The following FAM107A variants were observed in gnomAD, a reference collection of about 807,000 sequenced individuals.
FAM107A encodes family with sequence similarity 107 member A.
In FAM107A, 19 loss-of-function variants were observed where a neutral mutation model predicts 13.7. The ratio of observed to expected loss-of-function variants is 1.38; its 90% CI spans 0.97 to 2.03. FAM107A has a LOEUF of 2.03. FAM107A is among the 30% of genes most tolerant of loss of function. The pLI, the probability that FAM107A is intolerant of heterozygous loss-of-function variation, is 0.00. For synonymous variants in FAM107A, 82 were observed against 74.5 expected (o/e 1.10, Z -0.52); for missense variants, 203 against 184.4 (o/e 1.10, Z -0.58).
In FAM107A at chr3:58,617,104, C is replaced by T. The variant is rs2065909588; in HGVS notation, c.-70+10312G>A. ...CCCAGTTTCTGATCGTTTGTTATGGCCGCCCCAGGAAACTCCTGTGTCACT... is the reference window on the plus strand; with the variant it reads ...CCCAGTTTCTGATCGTTTGTTATGGTCGCCCCAGGAAACTCCTGTGTCACT... On this transcript the variant is annotated intron_variant, in intron 1 of 3. Transcript: ENST00000465970. The surrounding 1 kb of genome is among the most constrained non-coding windows in gnomAD (Gnocchi z 4.5). Among the ~76,000 whole-genome samples, 1 of 152,134 alleles carries T rather than the reference C, an allele frequency of 6.6e-6. No individual in the cohort carries two copies. The highest frequency in any genetic ancestry group is 1.5e-5 in the Non-Finnish European group (1 of 68,014).
chr3:58,625,705 T>C (rs1303203391), intron 1 of FAM107A, among the ~76,000 whole-genome samples: 4 of 152,292 alleles, frequency 2.6e-5, no homozygotes, highest in Non-Finnish European at 5.9e-5. Flanking sequence ...TGTCAGTTTC[T>C]GGATTCTGGC....
At chr3:58,625,454 G>T (rs1208609728) in intron 1 of FAM107A, among the ~76,000 whole-genome samples, 1 of 152,218 alleles carries the variant, frequency 6.6e-6, no homozygotes, top group East Asian at 1.9e-4. Context: ...GATGCACAGT[G>T]AGGGTTTTCG....
chr3:58,626,080 G>A (rs957407046), intron 1 of FAM107A, among the ~76,000 whole-genome samples: 4 of 152,220 alleles, frequency 2.6e-5, no homozygotes, highest in Admixed American at 6.5e-5. Flanking sequence ...CACGGTAGGT[G>A]GGTGGTGGAT....
At chr3:58,579,804 C>T (rs549389952), upstream of FAM107A, among the ~76,000 whole-genome samples, 6 of 152,180 alleles carry the variant, frequency 3.9e-5, no homozygotes, top group Non-Finnish European at 8.8e-5. Context: ...GGGCAGTAGT[C>T]CTCGGATGTT....
At chr3:58,602,202 A>G (rs1247176431) in intron 1 of FAM107A, among the ~76,000 whole-genome samples, 1 of 152,206 alleles carries the variant, frequency 6.6e-6, no homozygotes, top group Non-Finnish European at 1.5e-5. Flanking sequence ...ACGGTCCACA[A>G]ACGTAAGAAA....
Position 58,566,688 on chromosome 3 carries a change from T to C in FAM107A, c.335A>G (p.Lys112Arg). 1 of 1,612,970 alleles carries C rather than the reference T, an allele frequency of 6.2e-7. No individual in the cohort carries two copies. The highest frequency in any genetic ancestry group is 8.5e-7 in the Non-Finnish European group (1 of 1,179,170). Reference sequence around the variant, plus strand: ...GTGATCCTCTTCCTTCTCTGGTGGTTTTTCCAGCTGAAGGAGGGAGAAGCA... The same window carrying C: ...GTGATCCTCTTCCTTCTCTGGTGGTCTTTCCAGCTGAAGGAGGGAGAAGCA... ...RRQQRLNQLEKPPEKEEDHAP... is the reference protein window; with the variant it reads ...RRQQRLNQLERPPEKEEDHAP... Residue 112 changes from lysine (K) to arginine (R), a missense_variant, in exon 4 of 4, where the codon AAA becomes AGA. Coordinates refer to ENST00000360997, the MANE Select transcript of FAM107A (RefSeq NM_001076778.3).
chr3:58,590,680 G>A (rs753458380), upstream of FAM107A, among the ~76,000 whole-genome samples: 3 of 152,170 alleles, frequency 2.0e-5, no homozygotes, highest in Non-Finnish European at 2.9e-5. Context: ...ACACTTTAAA[G>A]CCATCAGCTC....
At chr3:58,602,980 G>A (rs1410185332) in intron 1 of FAM107A, among the ~76,000 whole-genome samples, 2 of 152,140 alleles carry the variant, frequency 1.3e-5, no homozygotes, top group East Asian at 1.9e-4. Flanking sequence ...GAACCAAAAT[G>A]TCCCCAGTGA....
intron 1 of FAM107A, among the ~76,000 whole-genome samples, chr3:58,618,169 G>A (rs1428225083): frequency 6.6e-6 from 1 of 152,222 alleles, no homozygotes; most frequent in Admixed American, 6.5e-5. Flanking sequence ...GGTAGGCCCA[G>A]GTTGGCTGTG....
chr3:58,570,150 A>G (rs1057232608), intron 1 of FAM107A, among the ~76,000 whole-genome samples: 1 of 152,250 alleles, frequency 6.6e-6, no homozygotes, highest in Non-Finnish European at 1.5e-5. Context: ...ACGGGTTGAC[A>G]CATGCATATT....
Position 58,569,632 on chromosome 3 carries a change from C to A in FAM107A, c.170+59G>T. 7.0e-7 allele frequency: 1 copy of A among 1,426,154 alleles called. No individual in the cohort carries two copies. The highest frequency in any genetic ancestry group is 9.6e-7 in the Non-Finnish European group (1 of 1,044,614). 88.3% of individuals were successfully genotyped at this position (1,426,154 alleles called of 1,614,324 possible). A position where few individuals can be genotyped will look rare whatever the true frequency, so the allele number is the denominator to read the frequency against. ...CTCTGCTTTCCTCCAGGGTCACCTT[C>A]CCCATCCCCCACAGGCCCAGGTGCT... On this transcript the variant is annotated intron_variant, in intron 2 of 3. Transcript: ENST00000360997. The surrounding 1 kb of genome is among the most constrained non-coding windows in gnomAD (Gnocchi z 5.7).
At chr3:58,621,819 G>C (rs2106640492) in intron 1 of FAM107A, among the ~76,000 whole-genome samples, 1 of 152,322 alleles carries the variant, frequency 6.6e-6, no homozygotes. Flanking sequence ...AGGATGCAAT[G>C]TGCCTGGCCT....
chr3:58,614,208 C>T (rs1225288484), intron 1 of FAM107A, among the ~76,000 whole-genome samples: 1 of 152,186 alleles, frequency 6.6e-6, no homozygotes, highest in African/African-American at 2.4e-5. Flanking sequence ...TCTGTGCCGC[C>T]AGGTCCTGGC....
chr3:58,570,746 T>C (rs2063675705), intron 1 of FAM107A, among the ~76,000 whole-genome samples: 1 of 152,234 alleles, frequency 6.6e-6, no homozygotes, highest in Non-Finnish European at 1.5e-5. Context: ...GCTCTCTTCA[T>C]GAGTCTAGCT....
intron 2 of FAM107A, among the ~76,000 whole-genome samples, chr3:58,568,159 G>A (rs1229774332): frequency 6.6e-6 from 1 of 151,584 alleles, no homozygotes; most frequent in Non-Finnish European, 1.5e-5. Context: ...TCTGGGCCAG[G>A]CACAGTGGCT....
At chr3:58,575,211 C>A (rs973888039) in intron 1 of FAM107A, among the ~76,000 whole-genome samples, 2 of 152,142 alleles carry the variant, frequency 1.3e-5, no homozygotes, top group African/African-American at 4.8e-5. Flanking sequence ...GGGTTTGATT[C>A]ATGGTGGCAA....
chr3:58,598,981 G>A (rs569942655), intron 1 of FAM107A, among the ~76,000 whole-genome samples: 5 of 151,598 alleles, frequency 3.3e-5, no homozygotes, highest in East Asian at 1.9e-4. Flanking sequence ...TGCTCTTGTC[G>A]CCCAGGCTGG....
rs141132269 is a variant in FAM107A, at chr3:58,613,098, G to A, written c.-70+14318C>T. On this transcript the variant is annotated intron_variant, in intron 1 of 3. Transcript: ENST00000465970. The surrounding 1 kb of genome is among the most constrained non-coding windows in gnomAD (Gnocchi z 4.6). ...GGTCGGCAGCTCCATATCGCCAGCCGTGACTCTGCCCTGAAATCTAGCCCA... is the reference window on the plus strand; with the variant it reads ...GGTCGGCAGCTCCATATCGCCAGCCATGACTCTGCCCTGAAATCTAGCCCA... 2.2e-3 allele frequency among the ~76,000 whole-genome samples: 336 copies of A among 152,242 alleles called. 7 individuals are homozygous for A. The East Asian group carries it at 0.032, about 14-fold the overall frequency.
rs898332260 is a variant in FAM107A at position 58,569,137 on chromosome 3, T to C, written c.170+554A>G. Reference sequence around the variant, plus strand: ...TGCCCCAGGCACAGTGAGTGACTCCTGTTTCCTGTTCATTTACATATGAGG... The same window carrying C: ...TGCCCCAGGCACAGTGAGTGACTCCCGTTTCCTGTTCATTTACATATGAGG... On this transcript the variant is annotated intron_variant, in intron 2 of 3. Transcript: ENST00000360997. This position sits in a 1 kb window ranked among gnomAD's most constrained non-coding sequence, Gnocchi z 5.7. Among the ~76,000 whole-genome samples the C allele has an allele frequency of 1.3e-5, 2 of 152,200 alleles. No individual in the cohort carries two copies. Among genetic ancestry groups the C allele is most frequent in the African/African-American group, 2.4e-5 (1 of 41,466 alleles).
Sources: gnomAD v4.1 joint callset for allele counts (sites outside exome capture counted in the v4.1 genomes callset) on GRCh38, gnomAD v4.1.1 for gene constraint, Gnocchi (gnomAD v3.1) non-coding constraint, MANE v1.5 for transcripts, NCBI Gene and HGNC (gene_info 2026-07-23, HGNC 2026-07-21) for gene names.